Variants in NPEPPS observed in about 807,000 individuals in gnomAD.
NPEPPS encodes the protein aminopeptidase puromycin sensitive.
Under a neutral mutation model 115.5 loss-of-function variants are expected in NPEPPS, and 14 were observed. The observed-to-expected ratio is 0.12, with a 90% confidence interval of 0.08 to 0.19. The LOEUF (loss-of-function observed/expected upper bound fraction) is 0.19. NPEPPS is among the 10% of genes least tolerant of loss of function. The pLI is 1.00. For missense variants in NPEPPS, 523 were observed against 1,110.8 expected (o/e 0.47, Z 7.52); for synonymous variants, 285 against 390.6 (o/e 0.73, Z 3.19).
chr17:47,579,045 A>G (rs1482435428), intron 3 of NPEPPS, among the ~76,000 whole-genome samples: 32 of 152,208 alleles, frequency 2.1e-4, no homozygotes, highest in African/African-American at 7.7e-4. Flanking sequence ...AAATAGTTAT[A>G]TATATTTTAA....
At position 47,618,993 on chromosome 17, in the gene NPEPPS, CTCTT is replaced by C. The variant is rs776840447; in HGVS notation, c.2404-10_2404-7del. 177 of 1,609,624 alleles carry C rather than the reference CTCTT, an allele frequency of 1.1e-4. No individual in the cohort carries two copies. The highest frequency in any genetic ancestry group is 1.8e-4 in the South Asian group (16 of 90,672). On this transcript the variant is annotated splice_polypyrimidine_tract_variant and intron_variant, in intron 20 of 22. Coordinates refer to ENST00000322157, the MANE Select transcript of NPEPPS (RefSeq NM_006310.4). ...TTTTTGATACACTAGACTTTTAGCT[CTCTT>C]TCTTTTTTTAGGAAGAGGTACGTCC...
At chr17:47,606,942 C>A (rs1020536138) in intron 17 of NPEPPS, among the ~76,000 whole-genome samples, 1 of 152,052 alleles carries the variant, frequency 6.6e-6, no homozygotes, top group Non-Finnish European at 1.5e-5. Flanking sequence ...CGCCTGTAAT[C>A]CCAGCACTTT....
rs768393682 is a variant in NPEPPS, at chr17:47,613,661, C to T, written c.2239-8C>T. Reference sequence around the variant, plus strand: ...TTAATCAAATGACTTATTTTTTGTCCCTTGTAGGTCTATCTGACTGTTTTG... The same window carrying T: ...TTAATCAAATGACTTATTTTTTGTCTCTTGTAGGTCTATCTGACTGTTTTG... On this transcript the variant is annotated splice_polypyrimidine_tract_variant and splice_region_variant and intron_variant, in intron 18 of 22. Coordinates refer to ENST00000322157, the MANE Select transcript of NPEPPS (RefSeq NM_006310.4). 2 of 1,601,402 alleles carry T rather than the reference C, an allele frequency of 1.2e-6. No individual in the cohort carries two copies. The highest frequency in any genetic ancestry group is 1.7e-6 in the Non-Finnish European group (2 of 1,171,764).
Position 47,550,065 on chromosome 17 carries a change from T to G in NPEPPS, c.340+4072T>G, listed in dbSNP as rs777892210. On this transcript the variant is annotated intron_variant, in intron 2 of 22. Transcript: ENST00000322157. ...TTCTCCTGCCTCAGCCTCCCCAGCA[T>G]CTGGGGCTATAGGCGCACGCTGCCA... Among the ~76,000 whole-genome samples the G allele has an allele frequency of 6.0e-5, 9 of 149,664 alleles. No homozygotes were observed. The South Asian group carries it at 1.5e-3, about 25-fold the overall frequency.
intron 1 of NPEPPS, among the ~76,000 whole-genome samples, chr17:47,539,286 G>A (rs898825935): frequency 2.6e-5 from 4 of 152,132 alleles, no homozygotes; most frequent in African/African-American, 9.7e-5. Context: ...ATGTGAGTCA[G>A]TGGGAAATAT....
intron 2 of NPEPPS, among the ~76,000 whole-genome samples, chr17:47,547,259 A>G (rs1909282541): frequency 6.6e-6 from 1 of 152,160 alleles, no homozygotes; most frequent in Non-Finnish European, 1.5e-5. Context: ...TTGACTGGAA[A>G]TCTTATTCCC....
At chr17:47,538,590 C>T (rs1400954574) in intron 1 of NPEPPS, among the ~76,000 whole-genome samples, 2 of 138,140 alleles carry the variant, frequency 1.4e-5, no homozygotes, top group African/African-American at 2.8e-5. Flanking sequence ...AGTGCAGTGG[C>T]GTGATCTCAG....
In NPEPPS at chr17:47,623,187, G is replaced by C. The variant is rs1464902209; in HGVS notation, c.*1267G>C. 2 of 170,344 alleles carry C rather than the reference G, an allele frequency of 1.2e-5. No individual in the cohort carries two copies. Among genetic ancestry groups the C allele is most frequent in the Non-Finnish European group, 1.3e-5 (1 of 79,156 alleles). The allele number at this position is 170,344 out of a possible 1,614,324, so 10.6% of individuals were successfully genotyped here. ...ATTTCAGAAGGTCATCAGATTGTGA[G>C]ACTGCTTCCTTGAAACATTTTTGTG... On this transcript the variant is annotated 3_prime_UTR_variant, in exon 23 of 23. Transcript: ENST00000322157.
At chr17:47,573,604 C>T (rs1911329719) in intron 3 of NPEPPS, among the ~76,000 whole-genome samples, 1 of 152,140 alleles carries the variant, frequency 6.6e-6, no homozygotes, top group African/African-American at 2.4e-5. Flanking sequence ...TGCCTGTAAT[C>T]CCAACACTTT....
intron 12 of NPEPPS, among the ~76,000 whole-genome samples, chr17:47,592,862 G>A (rs1186434134): frequency 1.3e-5 from 2 of 151,840 alleles, no homozygotes; most frequent in African/African-American, 2.4e-5. Context: ...CCATTAACTC[G>A]TCATTTACAT....
intron 10 of NPEPPS, 82 bp from the exon 11 acceptor site, chr17:47,591,874 T>A: frequency 1.7e-6 from 1 of 584,024 alleles, no homozygotes; most frequent in South Asian, 2.3e-5. Context: ...GTTAGAAGGG[T>A]TTTCCTAGAA....
chr17:47,597,715 G>A (rs1912965946), intron 13 of NPEPPS, among the ~76,000 whole-genome samples: 1 of 152,098 alleles, frequency 6.6e-6, no homozygotes, highest in African/African-American at 2.4e-5. Context: ...GGCAATCTAA[G>A]TTATAAATTT....
chr17:47,595,066 G>T (rs1349604063), intron 12 of NPEPPS, among the ~76,000 whole-genome samples: 6 of 152,140 alleles, frequency 3.9e-5, no homozygotes, highest in Admixed American at 3.9e-4. Flanking sequence ...AAGTAGCTGG[G>T]ATTACAGGTG....
At chr17:47,525,579 G>C (rs1907398530) in intron 1 of NPEPPS, among the ~76,000 whole-genome samples, 1 of 152,282 alleles carries the variant, frequency 6.6e-6, no homozygotes, top group East Asian at 1.9e-4. Context: ...CCAACCTCAG[G>C]TGAGCCGCCC....
intron 2 of NPEPPS, among the ~76,000 whole-genome samples, chr17:47,564,010 G>A (rs1227822387): frequency 6.6e-6 from 1 of 151,936 alleles, no homozygotes; most frequent in African/African-American, 2.4e-5. Context: ...TCAGCTCACT[G>A]CAGCCTCTAC....
At chr17:47,618,288 A>G (rs1404269568) in intron 19 of NPEPPS, 62 bp from the exon 20 acceptor site, 1 of 1,086,046 alleles carries the variant, frequency 9.2e-7, no homozygotes, top group African/African-American at 1.6e-5. Flanking sequence ...AAGCTCATAT[A>G]ATCATATGCA....
intron 18 of NPEPPS, 92 bp downstream of exon 18, chr17:47,612,694 T>A (rs921732828): frequency 9.8e-5 from 125 of 1,278,614 alleles, no homozygotes; most frequent in Non-Finnish European, 1.2e-4. Flanking sequence ...GACAGAGTCT[T>A]GCTCTGTCGC....
intron 2 of NPEPPS, among the ~76,000 whole-genome samples, chr17:47,546,385 C>T (rs958083153): frequency 6.6e-5 from 10 of 151,846 alleles, no homozygotes; most frequent in South Asian, 4.1e-4. Flanking sequence ...ATGATTGCGC[C>T]GCTGCACTCC....
Position 47,575,644 on chromosome 17 carries a change from G to A in NPEPPS, c.419-3746G>A, listed in dbSNP as rs184516757. 1.1e-4 allele frequency among the ~76,000 whole-genome samples: 17 copies of A among 150,056 alleles called. No individual in the cohort carries two copies. The East Asian group carries it at 1.6e-3, about 14-fold the overall frequency. On this transcript the variant is annotated intron_variant, in intron 3 of 22. Transcript: ENST00000322157. Reference sequence around the variant, plus strand: ...TTTTGAGATGGAGTCTTGCTCTGTCGTCCAGGCTGGAGTGCAGTGGCGCGA... The same window carrying A: ...TTTTGAGATGGAGTCTTGCTCTGTCATCCAGGCTGGAGTGCAGTGGCGCGA...
Sources: allele counts gnomAD v4.1 joint callset (sites outside exome capture counted in the v4.1 genomes callset), GRCh38; gene constraint gnomAD v4.1.1; transcripts MANE v1.5; gene names NCBI Gene and HGNC (gene_info 2026-07-23, HGNC 2026-07-21).